Variants in IL34 observed in about 807,000 individuals in gnomAD.
IL34 encodes the protein interleukin-34.
IL34 carries 17 observed loss-of-function variants against 25.3 expected under a neutral mutation model. The ratio of observed to expected loss-of-function variants is 0.67; its 90% CI spans 0.46 to 1.01. The LOEUF is 1.01. Ranked by LOEUF, IL34 falls within the 50% of genes least tolerant of loss-of-function variation. The pLI is 0.00. For missense variants in IL34, 368 were observed against 312.9 expected, an observed-to-expected ratio of 1.18 and a Z score of -1.33; for synonymous variants, 174 against 140.9, an observed-to-expected ratio of 1.23 and a Z score of -1.66.
At chr16:70,618,452 C>G (rs959327126) in intron 1 of IL34, among the ~76,000 whole-genome samples, 1 of 151,688 alleles carries the variant, frequency 6.6e-6, no homozygotes, top group Non-Finnish European at 1.5e-5. Flanking sequence ...AAATTATATG[C>G]GTCAGGTATG....
intron 1 of IL34, among the ~76,000 whole-genome samples, chr16:70,648,855 T>C (rs28434516): frequency 0.15 from 22,265 of 152,082 alleles, 4,181 homozygotes; most frequent in African/African-American, 0.42. Flanking sequence ...GCGTTCCCTC[T>C]AAAGGTGCCG....
upstream of IL34, among the ~76,000 whole-genome samples, chr16:70,645,481 A>T (rs575725466): frequency 6.6e-6 from 1 of 152,272 alleles, no homozygotes; most frequent in South Asian, 2.1e-4. Context: ...TAAATCAGAG[A>T]CGGAATTCCA....
chr16:70,626,920 C>T (rs1464120395), intron 1 of IL34, among the ~76,000 whole-genome samples: 1 of 152,032 alleles, frequency 6.6e-6, no homozygotes, highest in Admixed American at 6.6e-5. Context: ...TACTCTTTTC[C>T]ATTAGTTTCT....
intron 1 of IL34, among the ~76,000 whole-genome samples, chr16:70,623,189 G>T (rs1324734591): frequency 6.6e-6 from 1 of 152,074 alleles, no homozygotes; most frequent in East Asian, 1.9e-4. Flanking sequence ...GTAATTTGCT[G>T]AGCCTAATGG....
intron 1 of IL34, among the ~76,000 whole-genome samples, chr16:70,582,801 G>A (rs2050649567): frequency 6.6e-6 from 1 of 152,220 alleles, no homozygotes; most frequent in Non-Finnish European, 1.5e-5. Context: ...GTTGACACAG[G>A]CACACTGCCC....
chr16:70,638,652 TTC>T (rs2051711749), intron 1 of IL34, among the ~76,000 whole-genome samples: 1 of 152,118 alleles, frequency 6.6e-6, no homozygotes. Context: ...GGGCTGGTCT[TTC>T]TGTGTCAGCC....
chr16:70,628,923 G>A (rs574978244), intron 1 of IL34, among the ~76,000 whole-genome samples: 120 of 152,092 alleles, frequency 7.9e-4, no homozygotes, highest in Middle Eastern at 3.4e-3. Context: ...GAGGAGCTGG[G>A]ACAGCAAGCA....
chr16:70,634,102 C>T (rs576352281), intron 1 of IL34, among the ~76,000 whole-genome samples: 3 of 151,958 alleles, frequency 2.0e-5, no homozygotes, highest in African/African-American at 2.4e-5. Flanking sequence ...CTGCCCGCCT[C>T]GGCCTCCCAA....
intron 1 of IL34, among the ~76,000 whole-genome samples, chr16:70,580,780 CAAA>C (rs200027520): frequency 1.2e-5 from 1 of 81,070 alleles, no homozygotes. Context: ...GACTATGTCT[CAAA>C]AAAAAAAAAA....
chr16:70,651,985 G>C (rs2052092238), intron 1 of IL34, among the ~76,000 whole-genome samples: 1 of 151,984 alleles, frequency 6.6e-6, no homozygotes, highest in African/African-American at 2.4e-5. Context: ...AATTTAGCTG[G>C]ATGTGGTGGC....
chr16:70,629,196 G>T (rs2051463287), intron 1 of IL34, among the ~76,000 whole-genome samples: 1 of 152,092 alleles, frequency 6.6e-6, no homozygotes, highest in Non-Finnish European at 1.5e-5. Context: ...CTCTAATTTT[G>T]TTTGCTGATG....
chr16:70,590,737 C>T (rs1036749146), intron 1 of IL34, among the ~76,000 whole-genome samples: 13 of 152,200 alleles, frequency 8.5e-5, no homozygotes, highest in African/African-American at 7.2e-5. Context: ...CAAGGTTAGC[C>T]AGCAGCTGGC....
chr16:70,606,586 A>C (rs2051008558), intron 1 of IL34, among the ~76,000 whole-genome samples: 1 of 151,156 alleles, frequency 6.6e-6, no homozygotes. Context: ...ATTCGTTTGG[A>C]TTTTCTAGAT....
intron 1 of IL34, among the ~76,000 whole-genome samples, chr16:70,651,034 C>A (rs552625807): frequency 2.6e-5 from 4 of 152,258 alleles, no homozygotes; most frequent in African/African-American, 4.8e-5. Context: ...CCTGGTGAAA[C>A]GCCGTCTCTA....
upstream of IL34, among the ~76,000 whole-genome samples, chr16:70,645,579 G>A (rs1458573717): frequency 6.6e-6 from 1 of 152,196 alleles, no homozygotes; most frequent in East Asian, 1.9e-4. Flanking sequence ...GCTGAGCCCT[G>A]TGTGGTTGTC....
At chr16:70,651,386 T>C (rs1038498587) in intron 1 of IL34, among the ~76,000 whole-genome samples, 1 of 152,170 alleles carries the variant, frequency 6.6e-6, no homozygotes, top group Non-Finnish European at 1.5e-5. Context: ...GTTTATCTGT[T>C]CTTCTCACCC....
chr16:70,648,417 G>T (rs541646531), intron 1 of IL34, among the ~76,000 whole-genome samples: 42 of 152,204 alleles, frequency 2.8e-4, no homozygotes, highest in African/African-American at 9.6e-4. Context: ...GCCAGGTGTG[G>T]TGGCATACAT....
intron 1 of IL34, among the ~76,000 whole-genome samples, chr16:70,636,000 C>A: frequency 6.6e-6 from 1 of 151,286 alleles, no homozygotes; most frequent in South Asian, 2.1e-4. Context: ...AGAGTTTGAA[C>A]CCAAAAGGTG....
upstream of IL34, among the ~76,000 whole-genome samples, chr16:70,643,397 G>T (rs891142141): frequency 6.6e-6 from 1 of 151,002 alleles, no homozygotes; most frequent in African/African-American, 2.4e-5. Context: ...TTGAGACAGG[G>T]TCTTGCTTTG....
Sources: allele counts gnomAD v4.1 joint callset (sites outside exome capture counted in the v4.1 genomes callset), GRCh38; gene constraint gnomAD v4.1.1; transcripts MANE v1.5; gene names NCBI Gene and HGNC (gene_info 2026-07-23, HGNC 2026-07-21).